The following BLTP1 variants were observed in gnomAD, a reference collection of about 807,000 sequenced individuals.
BLTP1 encodes the protein fragile site-associated protein.
the BLTP1 span, chr4:122,361,974 T>C: frequency 6.3e-7 from 1 of 1,576,024 alleles, no homozygotes; most frequent in Non-Finnish European, 8.6e-7. Context: ...TTCCTACCAT[T>C]AGAACCATGC....
the BLTP1 span, chr4:122,200,243 G>A: frequency 1.0e-6 from 1 of 985,204 alleles, no homozygotes; most frequent in Non-Finnish European, 1.2e-6. Flanking sequence ...AGTGCTGTGT[G>A]ACAATGCTCT....
At chr4:122,214,256 A>G in the BLTP1 span, 1 of 946,264 alleles carries the variant, frequency 1.1e-6, no homozygotes, top group Middle Eastern at 5.4e-4. Flanking sequence ...GTAGGTGACA[A>G]GACACTCATA....
the BLTP1 span, chr4:122,174,939 C>A: frequency 3.5e-6 from 2 of 572,512 alleles, no homozygotes; most frequent in South Asian, 1.6e-4. Flanking sequence ...TCACAGAGTT[C>A]ATAGTAGTCA....
chr4:122,269,623 G>GT, the BLTP1 span: 1 of 985,152 alleles, frequency 1.0e-6, no homozygotes, highest in South Asian at 4.7e-5. Flanking sequence ...TATTGTCTGG[G>GT]TTTTTTGTTT....
the BLTP1 span, among the ~76,000 whole-genome samples, chr4:122,214,904 G>C: frequency 2.0e-5 from 3 of 151,958 alleles, no homozygotes; most frequent in Non-Finnish European, 4.4e-5. Context: ...GAGCCACTGT[G>C]CCTGGCCTTT....
the BLTP1 span, chr4:122,243,035 A>G: frequency 1.9e-6 from 3 of 1,612,608 alleles, no homozygotes; most frequent in Non-Finnish European, 2.5e-6. Context: ...TCTTTGCTAG[A>G]CAGAGGCATG....
At chr4:122,293,939 G>A in the BLTP1 span, among the ~76,000 whole-genome samples, 1 of 152,174 alleles carries the variant, frequency 6.6e-6, no homozygotes, top group Admixed American at 6.5e-5. Context: ...CAGCACAGCT[G>A]CTATGCCAGA....
the BLTP1 span, chr4:122,247,092 G>C: frequency 1.2e-5 from 18 of 1,499,478 alleles, no homozygotes; most frequent in Middle Eastern, 1.9e-4. Flanking sequence ...AACCTTTTAG[G>C]TAAATGTTTT....
the BLTP1 span, among the ~76,000 whole-genome samples, chr4:122,351,478 A>G: frequency 6.6e-6 from 1 of 152,176 alleles, no homozygotes; most frequent in Non-Finnish European, 1.5e-5. Flanking sequence ...AATTTCCATG[A>G]TTGATCTAAA....
At chr4:122,226,437 T>C in the BLTP1 span, 6 of 1,207,320 alleles carry the variant, frequency 5.0e-6, no homozygotes, top group Non-Finnish European at 6.2e-6. Flanking sequence ...GGATTTGCGT[T>C]AAAAGTTGCT....
the BLTP1 span, chr4:122,190,458 T>C: frequency 2.1e-6 from 2 of 944,798 alleles, no homozygotes; most frequent in East Asian, 2.3e-4. Flanking sequence ...AATGCTGATA[T>C]CTAGTAATAT....
At chr4:122,325,193 G>A in the BLTP1 span, 3 of 1,554,940 alleles carry the variant, frequency 1.9e-6, no homozygotes, top group African/African-American at 1.4e-5. Flanking sequence ...TTTTTAATGA[G>A]AATATTGGTG....
chr4:122,243,912 A>G, the BLTP1 span: 2 of 1,610,050 alleles, frequency 1.2e-6, no homozygotes, highest in Non-Finnish European at 1.7e-6. Flanking sequence ...TGAAACATTA[A>G]CAGAAGAGTG....
chr4:122,272,166 G>A, the BLTP1 span: 10 of 1,611,970 alleles, frequency 6.2e-6, no homozygotes, highest in Middle Eastern at 1.7e-4. Context: ...AAAGGAGTTC[G>A]GAGCCCTACA....
chr4:122,215,459 A>G, the BLTP1 span: 1 of 985,302 alleles, frequency 1.0e-6, no homozygotes, highest in Admixed American at 6.1e-5. Context: ...GAAACCTAAT[A>G]GTAGTTGAGT....
the BLTP1 span, chr4:122,261,965 A>G: frequency 1.0e-6 from 1 of 985,392 alleles, no homozygotes; most frequent in Non-Finnish European, 1.2e-6. Flanking sequence ...CAGCACTGGT[A>G]TCCATTGCGT....
chr4:122,312,494 T>G, the BLTP1 span, among the ~76,000 whole-genome samples: 2 of 152,180 alleles, frequency 1.3e-5, no homozygotes, highest in Non-Finnish European at 2.9e-5. Context: ...ATTCTTGGAT[T>G]TGAAAGGGTA....
the BLTP1 span, chr4:122,271,226 G>A: frequency 1.2e-6 from 2 of 1,613,922 alleles, no homozygotes; most frequent in Admixed American, 1.7e-5. Context: ...CCAGCATGTA[G>A]ATATGGCTTT....
chr4:122,210,192 CTTAAAG>C, the BLTP1 span: 4 of 215,806 alleles, frequency 1.9e-5, no homozygotes, highest in African/African-American at 9.4e-5. Flanking sequence ...TTATTTTTAT[CTTAAAG>C]TTGAGGAAAT....
Sources: gnomAD v4.1 joint callset for allele counts (sites outside exome capture counted in the v4.1 genomes callset) on GRCh38, gnomAD v4.1.1 for gene constraint, MANE v1.5 for transcripts, NCBI Gene and HGNC (gene_info 2026-07-23, HGNC 2026-07-21) for gene names.